The following TBC1D5 variants were observed in gnomAD, a reference collection of about 807,000 sequenced individuals.
TBC1D5 encodes the protein TBC1 domain family, member 5.
TBC1D5 carries 75 observed loss-of-function variants against 100.3 expected under a neutral mutation model. The ratio of observed to expected loss-of-function variants is 0.75; its 90% CI spans 0.62 to 0.91. The LOEUF (loss-of-function observed/expected upper bound fraction) is 0.91, where lower values mean the gene tolerates loss of function less well. Ranked by LOEUF, TBC1D5 falls within the 40% of genes least tolerant of loss-of-function variation. TBC1D5 has a pLI of 0.00. For synonymous variants in TBC1D5, 323 were observed against 325.6 expected (o/e 0.99, Z 0.09); for missense variants, 910 against 942.4 (o/e 0.97, Z 0.45).
At chr3:17,232,285 C>T (rs997929298) in intron 17 of TBC1D5, among the ~76,000 whole-genome samples, 1 of 152,018 alleles carries the variant, frequency 6.6e-6, no homozygotes, top group East Asian at 1.9e-4. Flanking sequence ...GGCTCCATAT[C>T]CTATGTCTTG....
chr3:17,715,781 G>A lies in TBC1D5; in HGVS notation c.-101+23562C>T, dbSNP rs1305669686. 2.6e-5 allele frequency among the ~76,000 whole-genome samples: 4 copies of A among 152,180 alleles called. No homozygotes were observed. In the South Asian group the frequency reaches 6.2e-4, roughly 24 times the overall value. ...GGTACCACTGCACTCTACCCTGGAAGAGAGAGCAAGACTATGTCTCTTAAA... is the reference window on the plus strand; with the variant it reads ...GGTACCACTGCACTCTACCCTGGAAAAGAGAGCAAGACTATGTCTCTTAAA... On this transcript the variant is annotated intron_variant, in intron 1 of 21. Coordinates refer to ENST00000253692, the Ensembl canonical transcript of TBC1D5.
intron 4 of TBC1D5, chr3:17,406,829 G>A: frequency 4.0e-6 from 1 of 248,680 alleles, no homozygotes; most frequent in Non-Finnish European, 7.6e-6. Context: ...AGAAAAAAAT[G>A]AATAATATAT....
chr3:17,167,886 C>T, intron 19 of TBC1D5, 58 bp from the exon 21 acceptor site: 2 of 1,232,266 alleles, frequency 1.6e-6, no homozygotes, highest in South Asian at 1.4e-5. Context: ...CTACCTGCTG[C>T]CACATCATAA....
At chr3:17,646,666 T>A (rs2065047030) in intron 1 of TBC1D5, among the ~76,000 whole-genome samples, 1 of 152,146 alleles carries the variant, frequency 6.6e-6, no homozygotes, top group African/African-American at 2.4e-5. Flanking sequence ...TGTCCTTGCT[T>A]CTCTCTTGTT....
At chr3:17,370,427 G>A (rs967896373) in intron 13 of TBC1D5, among the ~76,000 whole-genome samples, 3 of 152,100 alleles carry the variant, frequency 2.0e-5, no homozygotes, top group Non-Finnish European at 4.4e-5. Flanking sequence ...CTTGTTACTA[G>A]CTCTTTCAAA....
chr3:17,428,336 C>G, intron 4 of TBC1D5, 114 bp downstream of exon 4: 2 of 300,532 alleles, frequency 6.7e-6, no homozygotes. Flanking sequence ...TGGTTCCTTA[C>G]TATTCTAGAT....
rs551433777 is a variant in TBC1D5, at chr3:17,553,250, A to C, written c.-35-44645T>G. 2.6e-5 allele frequency among the ~76,000 whole-genome samples: 4 copies of C among 152,314 alleles called. No homozygotes were observed. In the South Asian group the frequency reaches 8.3e-4, roughly 32 times the overall value. Reference sequence around the variant, plus strand: ...CACAAAGTCCTTAGCCAATGCCGTAAGAACTGCAATTCTTATCTTTTAAAA... The same window carrying C: ...CACAAAGTCCTTAGCCAATGCCGTACGAACTGCAATTCTTATCTTTTAAAA... On this transcript the variant is annotated intron_variant, in intron 2 of 21. Coordinates refer to ENST00000253692, the Ensembl canonical transcript of TBC1D5.
intron 15 of TBC1D5, among the ~76,000 whole-genome samples, chr3:17,263,798 C>T (rs368256289): frequency 6.6e-5 from 10 of 152,308 alleles, no homozygotes; most frequent in South Asian, 2.1e-4. Context: ...GCCCATGCTA[C>T]GCTTCTGACT....
rs552321273 is a variant in TBC1D5, at chr3:17,225,788, G to A, written c.1589-11418C>T. Among the ~76,000 whole-genome samples the A allele has an allele frequency of 5.3e-5, 8 of 152,234 alleles. No individual in the cohort carries two copies. The East Asian group carries it at 1.5e-3, about 29-fold the overall frequency. On this transcript the variant is annotated intron_variant, in intron 17 of 21. Coordinates refer to ENST00000253692, the Ensembl canonical transcript of TBC1D5. ...GAGCCCAGGAGGTAGAGGCTGCAGT[G>A]TGCCATGATTGCACCACTGTACTCC...
intron 9 of TBC1D5, among the ~76,000 whole-genome samples, chr3:17,381,066 G>A (rs984690657): frequency 2.0e-5 from 3 of 152,020 alleles, no homozygotes; most frequent in Non-Finnish European, 4.4e-5. Flanking sequence ...TTTTAAACAT[G>A]TACAGGGAGT....
chr3:17,428,483 G>T (rs1171164697), exon 4 of TBC1D5: 10 of 1,505,814 alleles, frequency 6.6e-6, no homozygotes, highest in Non-Finnish European at 8.9e-6. Context: ...AGAGTCTAAA[G>T]TAGAACTTGT....
At chr3:17,196,546 G>A (rs2070711769) in intron 18 of TBC1D5, among the ~76,000 whole-genome samples, 1 of 152,168 alleles carries the variant, frequency 6.6e-6, no homozygotes, top group Admixed American at 6.5e-5. Context: ...GGCCCTACAG[G>A]GCATACCTTA....
At chr3:17,708,004 A>C (rs941376684) in intron 1 of TBC1D5, among the ~76,000 whole-genome samples, 2 of 152,160 alleles carry the variant, frequency 1.3e-5, no homozygotes, top group Admixed American at 1.3e-4. Flanking sequence ...ATATGAAACC[A>C]TATTTGGTTC....
intron 3 of TBC1D5, among the ~76,000 whole-genome samples, chr3:17,499,180 G>A (rs939833465): frequency 6.6e-6 from 1 of 152,154 alleles, no homozygotes; most frequent in Non-Finnish European, 1.5e-5. Context: ...AGTAGTTGCA[G>A]TATATAGTTT....
At chr3:17,495,131 T>A (rs541239043) in intron 3 of TBC1D5, among the ~76,000 whole-genome samples, 2 of 152,190 alleles carry the variant, frequency 1.3e-5, no homozygotes, top group Non-Finnish European at 2.9e-5. Flanking sequence ...TGGATACCTC[T>A]GTTGAAGATT....
chr3:17,206,248 T>C (rs2072168506), intron 18 of TBC1D5, among the ~76,000 whole-genome samples: 1 of 152,182 alleles, frequency 6.6e-6, no homozygotes, highest in Admixed American at 6.5e-5. Flanking sequence ...TTTACTGTCT[T>C]TACTGTTCAT....
At chr3:17,437,126 T>TCTCTTGCC (rs1347321621) in intron 3 of TBC1D5, among the ~76,000 whole-genome samples, 1 of 152,182 alleles carries the variant, frequency 6.6e-6, no homozygotes, top group Non-Finnish European at 1.5e-5. Flanking sequence ...TCACATGTGC[T>TCTCTTGCC]CTCTTGCCCT....
intron 3 of TBC1D5, among the ~76,000 whole-genome samples, chr3:17,494,098 G>GT (rs2095672275): frequency 6.6e-6 from 1 of 152,134 alleles, no homozygotes; most frequent in Non-Finnish European, 1.5e-5. Context: ...TTTGGATGAG[G>GT]TTTTTTGTTG....
At chr3:17,620,307 C>A (rs1235272666) in intron 2 of TBC1D5, among the ~76,000 whole-genome samples, 6 of 152,170 alleles carry the variant, frequency 3.9e-5, no homozygotes, top group African/African-American at 1.4e-4. Context: ...ACCAGCAATC[C>A]CATTTCCAGG....
Sources: gnomAD v4.1 joint callset for allele counts (sites outside exome capture counted in the v4.1 genomes callset) on GRCh38, gnomAD v4.1.1 for gene constraint, MANE v1.5 for transcripts, NCBI Gene and HGNC (gene_info 2026-07-23, HGNC 2026-07-21) for gene names.